Variants in LONRF1 observed in about 807,000 individuals in gnomAD.
LONRF1 encodes LON peptidase N-terminal domain and ring finger 1.
A neutral mutation model predicts 85.8 loss-of-function variants in LONRF1; 37 were observed. The observed-to-expected ratio is 0.43, with a 90% confidence interval of 0.33 to 0.57. The LOEUF is 0.57. Ranked by LOEUF, LONRF1 falls within the 20% of genes least tolerant of loss-of-function variation. LONRF1 has a pLI of 0.04. For synonymous variants in LONRF1, 517 were observed against 390.1 expected (o/e 1.33, Z -3.83); for missense variants, 1,036 against 978.0 (o/e 1.06, Z -0.79).
rs1340355539 is a variant in LONRF1 at position 12,722,394 on chromosome 8, C to G, written c.*702G>C. 6.6e-6 allele frequency: 1 copy of G among 152,592 alleles called. No individual in the cohort carries two copies. Among genetic ancestry groups the G allele is most frequent in the African/African-American group, 2.4e-5 (1 of 41,450 alleles). The allele number at this position is 152,592 out of a possible 1,614,324, so 9.5% of individuals were successfully genotyped here. ...GTTTTGAGTGTTTTATGAATAGATG[C>G]ACAGTACCATGTCAGGTTTACAATT... On this transcript the variant is annotated 3_prime_UTR_variant, in exon 12 of 12. Transcript: ENST00000398246.
At position 12,755,004 on chromosome 8, in the gene LONRF1, G is replaced by A. The variant is rs547862019; in HGVS notation, c.417C>T (p.Gly139=). Residue 139 remains glycine (G), a synonymous_variant, in exon 1 of 12, where the codon GGC becomes GGT. Coordinates refer to ENST00000398246, the MANE Select transcript of LONRF1 (RefSeq NM_152271.5). Reference sequence around the variant, plus strand: ...GCAGGCAGCGGCGGCAGTAGCTGTGGCCACAGGGCACGGTCACCGGCTCGC... The same window carrying A: ...GCAGGCAGCGGCGGCAGTAGCTGTGACCACAGGGCACGGTCACCGGCTCGC... ...FLSEPVTVPC[G]HSYCRRCLRR... is the part of the protein sequence containing the mutation. 238 of 1,494,048 alleles carry A rather than the reference G, an allele frequency of 1.6e-4. 1 individual carries two copies. The East Asian group carries it at 6.2e-3, about 39-fold the overall frequency. The allele number at this position is 1,494,048 out of a possible 1,614,324, so 92.5% of individuals were successfully genotyped here.
chr8:12,736,907 T>C lies in LONRF1; in HGVS notation c.1347A>G (p.Lys449=), dbSNP rs761611763. 103 of 1,606,554 alleles carry C rather than the reference T, an allele frequency of 6.4e-5. No homozygotes were observed. The highest frequency in any genetic ancestry group is 8.3e-5 in the Non-Finnish European group (98 of 1,176,920). The change falls in exon 5 of 12, where the codon AAA becomes AAG. Residue 449 remains lysine (K), a synonymous_variant. Transcript: ENST00000398246. The stretch of plus-strand genomic sequence containing the variant: ...GTAGAGCAAAATTTTTACCTCCTTG[T>C]TTTTTCAGCTTATTTCTTCCATCTT... The part of the protein sequence containing the change: ...VNEDGRNKLK[K]QGETPNEVCM...
rs2117279998 is a variant in LONRF1 at position 12,738,018 on chromosome 8, G to C, written c.1090C>G (p.Leu364Val). Residue 364 changes from leucine (L) to valine (V), a missense_variant, in exon 4 of 12, where the codon CTC becomes GTC. Physicochemically the swap from Leu to Val is conservative, Grantham distance 32. Around this residue, in one of 3 missense-constraint regions of LONRF1, gnomAD observed 742 missense variants for 614.4 expected, o/e 1.21. Coordinates refer to ENST00000398246, the MANE Select transcript of LONRF1 (RefSeq NM_152271.5). ...ACCTGCTTTGGGCTAGGTTCATTGA[G>C]AGACTGAGACTCTTCCATCACTGAA... ...FHSVMEESQS[L>V]NEPSPKQSEE... is the part of the protein sequence containing the mutation. 3 of 1,608,846 alleles carry C rather than the reference G, an allele frequency of 1.9e-6. No individual in the cohort carries two copies. In the East Asian group the frequency reaches 6.7e-5, roughly 36 times the overall value.
At chr8:12,730,759 T>A (rs1798497975) in intron 8 of LONRF1, among the ~76,000 whole-genome samples, 1 of 152,204 alleles carries the variant, frequency 6.6e-6, no homozygotes, top group Non-Finnish European at 1.5e-5. Context: ...CAATATCTAT[T>A]TCTATAAAGA....
At chr8:12,745,531 ATTAAC>A (rs773922625) in intron 1 of LONRF1, among the ~76,000 whole-genome samples, 3 of 152,174 alleles carry the variant, frequency 2.0e-5, no homozygotes, top group East Asian at 1.9e-4. Flanking sequence ...TGACTGTATC[ATTAAC>A]TTAAGTTTGA....
At chr8:12,735,577 A>C (rs1482563318) in intron 6 of LONRF1, 177 bp from the exon 7 acceptor site, 1 of 559,536 alleles carries the variant, frequency 1.8e-6, no homozygotes, top group Non-Finnish European at 3.2e-6. Flanking sequence ...GAATGTTTTA[A>C]AATTCTCCAT....
intron 1 of LONRF1, among the ~76,000 whole-genome samples, chr8:12,751,298 T>TTTTTTTTTGTTTGG (rs1585262085): frequency 4.9e-5 from 4 of 82,166 alleles, no homozygotes; most frequent in African/African-American, 1.6e-4. Flanking sequence ...ATTTTTATGT[T>TTTTTTTTTGTTTGG]TTTTTTTTTT....
Position 12,723,063 on chromosome 8 carries a change from A to G in LONRF1, c.*33T>C, listed in dbSNP as rs1805977999. 6.4e-7 allele frequency: 1 copy of G among 1,561,686 alleles called. No individual in the cohort carries two copies. Among genetic ancestry groups the G allele is most frequent in the Non-Finnish European group, 8.7e-7 (1 of 1,151,026 alleles). On this transcript the variant is annotated 3_prime_UTR_variant, in exon 12 of 12. Coordinates refer to ENST00000398246, the MANE Select transcript of LONRF1 (RefSeq NM_152271.5). ...ATCTGGCCATCAATGCAGCCAGATT[A>G]GGGTCACTTTAAAGGGAGATCCAAA...
intron 3 of LONRF1, 127 bp downstream of exon 3, chr8:12,740,746 TC>T: frequency 8.5e-7 from 1 of 1,182,384 alleles, no homozygotes; most frequent in East Asian, 2.4e-5. Flanking sequence ...ACTCAAATTA[TC>T]ACATTTGTTC....
At position 12,743,567 on chromosome 8, in the gene LONRF1, CT is replaced by C. The variant is rs926516341; in HGVS notation, c.722-286del. ...ATATGAATAATCACTCCTAAGAAAA[CT>C]TTTTTTTTAACAAAGGGTAGTCTAT... On this transcript the variant is annotated intron_variant, in intron 1 of 11. Transcript: ENST00000398246. Among the ~76,000 whole-genome samples, 20 of 151,356 alleles carry C rather than the reference CT, an allele frequency of 1.3e-4. 1 individual carries two copies. The East Asian group carries it at 2.5e-3, about 19-fold the overall frequency.
intron 10 of LONRF1, 114 bp downstream of exon 10, chr8:12,728,787 G>A: frequency 1.7e-6 from 2 of 1,164,380 alleles, no homozygotes; most frequent in South Asian, 1.4e-5. Context: ...CATCACAGTG[G>A]TAAGGCTGTC....
At chr8:12,734,982 T>C (rs1456431286) in intron 7 of LONRF1, among the ~76,000 whole-genome samples, 9 of 152,050 alleles carry the variant, frequency 5.9e-5, no homozygotes, top group Admixed American at 5.9e-4. Flanking sequence ...GTTTCCCCAG[T>C]ATAGTCATCA....
chr8:12,737,340 T>A (rs1431925275), intron 4 of LONRF1, 200 bp from the exon 5 acceptor site: 1 of 718,470 alleles, frequency 1.4e-6, no homozygotes. Flanking sequence ...CCACAGGCTC[T>A]GCATCCGTGG....
Position 12,736,903 on chromosome 8 carries a change from C to T in LONRF1, c.1351G>A (p.Gly451Arg). Reference sequence around the variant, plus strand: ...AAGTGTAGAGCAAAATTTTTACCTCCTTGTTTTTTCAGCTTATTTCTTCCA... The same window carrying T: ...AAGTGTAGAGCAAAATTTTTACCTCTTTGTTTTTTCAGCTTATTTCTTCCA... Reference protein sequence around the residue: ...EDGRNKLKKQGETPNEVCMFS... With the variant: ...EDGRNKLKKQRETPNEVCMFS... Residue 451 changes from glycine to arginine, a missense_variant, in exon 5 of 12, where the codon GGA becomes AGA. Coordinates refer to ENST00000398246, the MANE Select transcript of LONRF1 (RefSeq NM_152271.5). 1.2e-6 allele frequency: 2 copies of T among 1,604,736 alleles called. No homozygotes were observed. Among genetic ancestry groups the T allele is most frequent in the Non-Finnish European group, 1.7e-6 (2 of 1,175,976 alleles).
Position 12,731,860 on chromosome 8 carries a change from A to G in LONRF1, c.1567-3T>C, listed in dbSNP as rs1429679075. Reference sequence around the variant, plus strand: ...CAGTACCTCCTATCTGCTAGATACTAAAAGACAATATTATTTTACATTCCA... The same window carrying G: ...CAGTACCTCCTATCTGCTAGATACTGAAAGACAATATTATTTTACATTCCA... On this transcript the variant is annotated splice_region_variant and splice_polypyrimidine_tract_variant and intron_variant, in intron 7 of 11. Coordinates refer to ENST00000398246, the MANE Select transcript of LONRF1 (RefSeq NM_152271.5). The G allele has an allele frequency of 6.2e-7, 1 of 1,606,950 alleles. No homozygotes were observed. The highest frequency in any genetic ancestry group is 2.2e-5 in the East Asian group (1 of 44,814).
At chr8:12,736,818 G>T in intron 5 of LONRF1, 21 bp from the exon 6 acceptor site, 1 of 1,587,984 alleles carries the variant, frequency 6.3e-7, no homozygotes, top group Non-Finnish European at 8.6e-7. Flanking sequence ...AAAGACATGG[G>T]GTTTTCTTCC....
intron 2 of LONRF1, among the ~76,000 whole-genome samples, chr8:12,741,552 C>T (rs868855891): frequency 1.3e-5 from 2 of 152,086 alleles, no homozygotes. Flanking sequence ...TGGGCAGGAT[C>T]AGAAATACCA....
chr8:12,731,721 T>A lies in LONRF1; in HGVS notation c.1688+15A>T, dbSNP rs900358802. 1.2e-6 allele frequency: 2 copies of A among 1,602,944 alleles called. No individual in the cohort carries two copies. Among genetic ancestry groups the A allele is most frequent in the Non-Finnish European group, 1.7e-6 (2 of 1,175,728 alleles). Reference sequence around the variant, plus strand: ...GGGTAGTAGTTCATAATTTTTTTTATGAGAAGAAACTTACTGTGAGAGTTC... The same window carrying A: ...GGGTAGTAGTTCATAATTTTTTTTAAGAGAAGAAACTTACTGTGAGAGTTC... On this transcript the variant is annotated intron_variant, in intron 8 of 11. Transcript: ENST00000398246.
At chr8:12,730,369 A>C (rs541515607) in intron 8 of LONRF1, among the ~76,000 whole-genome samples, 25 of 152,284 alleles carry the variant, frequency 1.6e-4, no homozygotes, top group African/African-American at 6.0e-4. Flanking sequence ...ATTCCCTTTG[A>C]GTTGCAGATT....
Sources: allele counts gnomAD v4.1 joint callset (sites outside exome capture counted in the v4.1 genomes callset), GRCh38; gene constraint gnomAD v4.1.1; regional missense constraint gnomAD v4.1.1; transcripts MANE v1.5; gene names NCBI Gene and HGNC (gene_info 2026-07-23, HGNC 2026-07-21).